FAT3: variants seen among roughly 807,000 people sequenced by gnomAD.
The protein encoded by FAT3 is FAT atypical cadherin 3.
In FAT3, 95 loss-of-function variants were observed where a neutral mutation model predicts 310.2. The observed-to-expected ratio is 0.31, with a 90% CI of 0.26 to 0.36. The LOEUF (loss-of-function observed/expected upper bound fraction) is 0.36, where lower values mean the gene tolerates loss of function less well. FAT3 is among the 10% of genes least tolerant of loss of function. The pLI is 1.00. For synonymous variants in FAT3, 2,314 were observed against 2,192.9 expected, an observed-to-expected ratio of 1.06 and a Z score of -1.54; for missense variants, 5,408 against 5,715.6, an observed-to-expected ratio of 0.95 and a Z score of 1.74.
chr11:92,572,243 A>G (rs1446013963), intron 3 of FAT3, among the ~76,000 whole-genome samples: 1 of 152,154 alleles, frequency 6.6e-6, no homozygotes, highest in Non-Finnish European at 1.5e-5. Flanking sequence ...TATTTTCAAG[A>G]TATGTACTAT....
chr11:92,436,843 C>T (rs1277748751), intron 2 of FAT3, among the ~76,000 whole-genome samples: 4 of 152,234 alleles, frequency 2.6e-5, no homozygotes, highest in Admixed American at 6.5e-5. Flanking sequence ...GGTGGTGTGA[C>T]GTGTTGCACA....
In FAT3 at chr11:92,891,780, G is replaced by GT. The variant is rs1949922352; in HGVS notation, c.*668dup. The GT allele has an allele frequency of 6.6e-6, 1 of 152,618 alleles. No homozygotes were observed. The highest frequency in any genetic ancestry group is 1.5e-5 in the Non-Finnish European group (1 of 68,390). The allele number at this position is 152,618 out of a possible 1,614,324, so 9.5% of individuals were successfully genotyped here. ...TTGGGTTTTATGATCTTCAAGAAAG[G>GT]TATCAATGAAGAGCAACATGAGGCT... On this transcript the variant is annotated 3_prime_UTR_variant, in exon 28 of 28. Coordinates refer to ENST00000525166, the MANE Select transcript of FAT3 (RefSeq NM_001367949.2).
intron 1 of FAT3, among the ~76,000 whole-genome samples, chr11:92,345,080 A>C (rs554045489): frequency 1.3e-5 from 2 of 152,154 alleles, no homozygotes; most frequent in Non-Finnish European, 2.9e-5. Context: ...TTAGTGTGTC[A>C]TGGAACACAG....
intron 2 of FAT3, among the ~76,000 whole-genome samples, chr11:92,397,379 A>G (rs1949894938): frequency 6.6e-6 from 1 of 152,190 alleles, no homozygotes; most frequent in African/African-American, 2.4e-5. Context: ...ATCTTCTGCC[A>G]TCTGCTGTCA....
At chr11:92,346,042 T>C (rs1948409921) in intron 1 of FAT3, among the ~76,000 whole-genome samples, 2 of 152,316 alleles carry the variant, frequency 1.3e-5, no homozygotes, top group Non-Finnish European at 2.9e-5. Context: ...GTGGTTTGTA[T>C]TTTAAAGAAA....
chr11:92,355,268 A>G lies in FAT3; in HGVS notation c.3156A>G (p.Val1052=). ...CAGACTTTGCTGTTGTTGGATCTGT[A>G]AAGGAAAACTCACGCATTGGAACAA... ...YFPDFAVVGS[V]KENSRIGTSV... The change falls in exon 2 of 28, where the codon GTA becomes GTG. Residue 1052 remains valine, a synonymous_variant. Coordinates refer to ENST00000525166, the MANE Select transcript of FAT3 (RefSeq NM_001367949.2). The G allele has an allele frequency of 6.2e-7, 1 of 1,613,808 alleles. No homozygotes were observed. The highest frequency in any genetic ancestry group is 1.1e-5 in the South Asian group (1 of 91,082).
chr11:92,830,392 G>A (rs1239077862), intron 13 of FAT3, among the ~76,000 whole-genome samples: 1 of 152,160 alleles, frequency 6.6e-6, no homozygotes, highest in African/African-American at 2.4e-5. Context: ...TTGGTAACTA[G>A]GTACATTTCT....
intron 1 of FAT3, among the ~76,000 whole-genome samples, chr11:92,334,520 T>G (rs778590236): frequency 1.2e-4 from 18 of 152,138 alleles, no homozygotes; most frequent in Non-Finnish European, 1.9e-4. Context: ...ATTTTATACC[T>G]TCTACAAAAG....
At chr11:92,525,077 T>G in intron 3 of FAT3, 129 bp downstream of exon 3, 2 of 809,620 alleles carry the variant, frequency 2.5e-6, no homozygotes, top group South Asian at 3.7e-5. Flanking sequence ...GAATGGTTTC[T>G]GAAAAGGTGA....
chr11:92,508,416 G>A (rs1379590276), intron 2 of FAT3, among the ~76,000 whole-genome samples: 1 of 152,050 alleles, frequency 6.6e-6, no homozygotes, highest in Non-Finnish European at 1.5e-5. Context: ...ATTTGTATCA[G>A]GGTTGATGTA....
At chr11:92,422,198 A>C (rs933797575) in intron 2 of FAT3, among the ~76,000 whole-genome samples, 5 of 152,124 alleles carry the variant, frequency 3.3e-5, no homozygotes, top group African/African-American at 1.2e-4. Flanking sequence ...CCAGTGAGAA[A>C]GACAAGTTTG....
At chr11:92,251,970 A>AT (rs1466379290) in intron 1 of FAT3, among the ~76,000 whole-genome samples, 2 of 152,096 alleles carry the variant, frequency 1.3e-5, no homozygotes, top group Non-Finnish European at 2.9e-5. Context: ...CTTTTCTTCT[A>AT]TTTTGCTTTA....
intron 1 of FAT3, among the ~76,000 whole-genome samples, chr11:92,282,233 C>G (rs1253328608): frequency 6.6e-6 from 1 of 152,190 alleles, no homozygotes; most frequent in Non-Finnish European, 1.5e-5. Flanking sequence ...TTCCTGATGT[C>G]CCTAGTCTGA....
chr11:92,545,711 CAG>C (rs1314460990), intron 3 of FAT3, among the ~76,000 whole-genome samples: 2 of 152,286 alleles, frequency 1.3e-5, no homozygotes, highest in East Asian at 1.9e-4. Flanking sequence ...GGCATGGAAG[CAG>C]AGAGACAGCC....
chr11:92,559,522 C>A (rs1018533285), intron 3 of FAT3: 17 of 338,920 alleles, frequency 5.0e-5, no homozygotes, highest in Non-Finnish European at 9.4e-5. Context: ...GTAGCTGGGA[C>A]TATAGGCATG....
chr11:92,775,214 T>A (rs1946568043), intron 7 of FAT3, among the ~76,000 whole-genome samples: 1 of 152,178 alleles, frequency 6.6e-6, no homozygotes, highest in African/African-American at 2.4e-5. Context: ...TTGCCAACCC[T>A]GAAGCAAGCA....
chr11:92,728,403 C>T (rs1176642422), intron 4 of FAT3, among the ~76,000 whole-genome samples: 1 of 152,120 alleles, frequency 6.6e-6, no homozygotes, highest in Non-Finnish European at 1.5e-5. Flanking sequence ...AAAAAGCAGT[C>T]AATAGCACTA....
chr11:92,476,719 A>T (rs539713261), intron 2 of FAT3, among the ~76,000 whole-genome samples: 18 of 152,350 alleles, frequency 1.2e-4, no homozygotes, highest in South Asian at 1.0e-3. Flanking sequence ...GAAAGAAATC[A>T]ACATGGAGAG....
chr11:92,309,670 T>C (rs1195802372), intron 1 of FAT3, among the ~76,000 whole-genome samples: 1 of 152,146 alleles, frequency 6.6e-6, no homozygotes, highest in Non-Finnish European at 1.5e-5. Flanking sequence ...TGGTAGCTGG[T>C]ATCTCAGACA....
Sources: gnomAD v4.1 joint callset for allele counts (sites outside exome capture counted in the v4.1 genomes callset) on GRCh38, gnomAD v4.1.1 for gene constraint, MANE v1.5 for transcripts, NCBI Gene and HGNC (gene_info 2026-07-23, HGNC 2026-07-21) for gene names.